The following CDKAL1 variants were observed in gnomAD, a reference collection of about 807,000 sequenced individuals.
CDKAL1 encodes the protein threonylcarbamoyladenosine tRNA methylthiotransferase.
A neutral mutation model predicts 68.2 loss-of-function variants in CDKAL1; 32 were observed. The observed-to-expected ratio is 0.47, with a 90% CI of 0.35 to 0.63. CDKAL1 has a LOEUF of 0.63. Ranked by LOEUF, CDKAL1 falls within the 30% of genes least tolerant of loss-of-function variation. The pLI, the probability that CDKAL1 is intolerant of heterozygous loss-of-function variation, is 0.00. For missense variants in CDKAL1, 606 were observed against 696.7 expected, an observed-to-expected ratio of 0.87 and a Z score of 1.47; for synonymous variants, 234 against 244.3, an observed-to-expected ratio of 0.96 and a Z score of 0.39.
chr6:20,907,469 T>C (rs945932965), intron 9 of CDKAL1, among the ~76,000 whole-genome samples: 1 of 151,768 alleles, frequency 6.6e-6, no homozygotes, highest in Non-Finnish European at 1.5e-5. Flanking sequence ...ATATGGAACA[T>C]AACGTTAAAA....
intron 8 of CDKAL1, among the ~76,000 whole-genome samples, chr6:20,804,961 G>A (rs966129494): frequency 6.6e-6 from 1 of 152,152 alleles, no homozygotes; most frequent in African/African-American, 2.4e-5. Context: ...GGTGTTTGAG[G>A]TTGCAGTGAG....
At chr6:20,976,279 G>T (rs1342493880) in intron 10 of CDKAL1, among the ~76,000 whole-genome samples, 2 of 152,086 alleles carry the variant, frequency 1.3e-5, no homozygotes, top group East Asian at 3.9e-4. Context: ...TCATTTTGAA[G>T]ACATTTATGA....
chr6:20,815,474 A>G (rs1777003958), intron 8 of CDKAL1, among the ~76,000 whole-genome samples: 1 of 152,030 alleles, frequency 6.6e-6, no homozygotes, highest in East Asian at 1.9e-4. Context: ...AAAATCACTT[A>G]CAGAAGTTTG....
chr6:21,057,864 G>A (rs1178445267), intron 11 of CDKAL1, among the ~76,000 whole-genome samples: 1 of 152,144 alleles, frequency 6.6e-6, no homozygotes, highest in African/African-American at 2.4e-5. Flanking sequence ...TGATTGTGCT[G>A]TGGTCTAAGA....
chr6:20,939,109 A>G (rs367679673), intron 9 of CDKAL1, among the ~76,000 whole-genome samples: 1 of 152,202 alleles, frequency 6.6e-6, no homozygotes, highest in East Asian at 1.9e-4. Context: ...GAGTTAGTTC[A>G]GTGAACAAAA....
At chr6:21,215,404 T>TA (rs1288656977) in intron 15 of CDKAL1, among the ~76,000 whole-genome samples, 2 of 152,174 alleles carry the variant, frequency 1.3e-5, no homozygotes, top group Non-Finnish European at 2.9e-5. Flanking sequence ...AAGATACAGA[T>TA]ACAAGGAGGT....
chr6:20,807,349 G>A (rs548391713), intron 8 of CDKAL1, among the ~76,000 whole-genome samples: 4 of 151,926 alleles, frequency 2.6e-5, no homozygotes, highest in South Asian at 2.1e-4. Flanking sequence ...TCAGCCTCCC[G>A]AGTAGCTGGC....
At chr6:20,600,722 T>G (rs1025223410) in intron 4 of CDKAL1, among the ~76,000 whole-genome samples, 3 of 141,204 alleles carry the variant, frequency 2.1e-5, no homozygotes, top group Non-Finnish European at 4.6e-5. Context: ...TTGATCATAT[T>G]TAATGATGAT....
chr6:20,694,589 C>T (rs1771032015), intron 5 of CDKAL1, among the ~76,000 whole-genome samples: 1 of 152,054 alleles, frequency 6.6e-6, no homozygotes. Flanking sequence ...TCAAGGAGTC[C>T]CACCCATTTC....
intron 4 of CDKAL1, among the ~76,000 whole-genome samples, chr6:20,625,749 A>T (rs144294337): frequency 1.3e-5 from 2 of 152,256 alleles, no homozygotes; most frequent in East Asian, 3.9e-4. Flanking sequence ...GCTCAACATA[A>T]AACAGATTTT....
At chr6:21,120,252 G>A (rs1032878492) in intron 13 of CDKAL1, among the ~76,000 whole-genome samples, 3 of 152,208 alleles carry the variant, frequency 2.0e-5, no homozygotes, top group African/African-American at 7.2e-5. Context: ...AGAATTGAAT[G>A]TGTTATATAT....
intron 8 of CDKAL1, among the ~76,000 whole-genome samples, chr6:20,822,026 G>T (rs957910376): frequency 1.3e-5 from 2 of 152,102 alleles, no homozygotes; most frequent in Non-Finnish European, 2.9e-5. Context: ...AACCATGCTC[G>T]TATGTTTACA....
At chr6:20,591,127 A>C (rs139835049) in intron 4 of CDKAL1, among the ~76,000 whole-genome samples, 1 of 152,122 alleles carries the variant, frequency 6.6e-6, no homozygotes, top group Non-Finnish European at 1.5e-5. Context: ...GCTTTTTTTC[A>C]TATGTTTGTT....
intron 10 of CDKAL1, among the ~76,000 whole-genome samples, chr6:20,988,901 A>G (rs1032821248): frequency 6.6e-6 from 1 of 150,378 alleles, no homozygotes; most frequent in Non-Finnish European, 1.5e-5. Flanking sequence ...CTCATGATCC[A>G]TCTGCCTCGG....
At chr6:21,122,705 T>C (rs1774787137) in intron 13 of CDKAL1, among the ~76,000 whole-genome samples, 3 of 151,844 alleles carry the variant, frequency 2.0e-5, no homozygotes, top group African/African-American at 2.4e-5. Context: ...CACAATGATA[T>C]AGCTCACTGC....
At chr6:20,684,408 C>T (rs1259428858) in intron 5 of CDKAL1, among the ~76,000 whole-genome samples, 2 of 152,200 alleles carry the variant, frequency 1.3e-5, no homozygotes, top group Non-Finnish European at 1.5e-5. Flanking sequence ...TGTCACTGCA[C>T]TCCAGCCTTG....
chr6:21,048,468 GTTTC>G (rs1424530996), intron 11 of CDKAL1, among the ~76,000 whole-genome samples: 1 of 151,812 alleles, frequency 6.6e-6, no homozygotes, highest in Non-Finnish European at 1.5e-5. Context: ...ATAGCTTCCG[GTTTC>G]TTTCTCACTT....
In CDKAL1 at chr6:20,657,291, A is replaced by G. The variant is rs895899187; in HGVS notation, c.371+7914A>G. 2.0e-5 allele frequency among the ~76,000 whole-genome samples: 3 copies of G among 152,126 alleles called. No homozygotes were observed. In the East Asian group the frequency reaches 5.8e-4, roughly 29 times the overall value. On this transcript the variant is annotated intron_variant, in intron 5 of 15. Transcript: ENST00000274695. ...GAGAGTGAGGTAAAGCTTAGATTCA[A>G]AGAGAGCCTGATAAGATGTTGCTTC...
chr6:20,798,522 A>C (rs1034418253), intron 8 of CDKAL1, among the ~76,000 whole-genome samples: 3 of 152,196 alleles, frequency 2.0e-5, no homozygotes, highest in Non-Finnish European at 4.4e-5. Context: ...CCAAATGTCC[A>C]TCAATGATAG....
Sources: gnomAD v4.1 joint callset for allele counts (sites outside exome capture counted in the v4.1 genomes callset) on GRCh38, gnomAD v4.1.1 for gene constraint, MANE v1.5 for transcripts, NCBI Gene and HGNC (gene_info 2026-07-23, HGNC 2026-07-21) for gene names.